Variants in CASTOR2 observed in about 807,000 individuals in gnomAD.
CASTOR2 encodes cytosolic arginine sensor for mTORC1 subunit 2, also known as GATS protein like 2.
CASTOR2 carries 8 observed loss-of-function variants against 31.2 expected under a neutral mutation model. The observed-to-expected ratio is 0.26, with a 90% CI of 0.15 to 0.46. The LOEUF (loss-of-function observed/expected upper bound fraction) is 0.46. Ranked by LOEUF, CASTOR2 falls within the 20% of genes least tolerant of loss-of-function variation. CASTOR2 has a pLI of 0.99. For missense variants in CASTOR2, 216 were observed against 382.1 expected, an observed-to-expected ratio of 0.57 and a Z score of 3.62; for synonymous variants, 162 against 158.7, an observed-to-expected ratio of 1.02 and a Z score of -0.16.
chr7:75,012,972 G>A (rs1238162235), intron 2 of CASTOR2, among the ~76,000 whole-genome samples: 2 of 152,088 alleles, frequency 1.3e-5, no homozygotes, highest in Admixed American at 6.6e-5. Context: ...GTGTTTTTTT[G>A]TAGAGGATTC....
chr7:75,004,615 T>A (rs1230178283), intron 1 of CASTOR2, among the ~76,000 whole-genome samples: 2 of 151,902 alleles, frequency 1.3e-5, no homozygotes, highest in African/African-American at 4.8e-5. Context: ...CCGGGCTAAT[T>A]TTTATATTTT....
At chr7:74,992,830 G>T (rs1211637091) in intron 1 of CASTOR2, among the ~76,000 whole-genome samples, 1 of 152,016 alleles carries the variant, frequency 6.6e-6, no homozygotes, top group Non-Finnish European at 1.5e-5. Flanking sequence ...TTGAGCCCAG[G>T]AGTGCAAGGC....
chr7:75,012,933 C>T (rs1326670353), intron 2 of CASTOR2, among the ~76,000 whole-genome samples: 1 of 151,940 alleles, frequency 6.6e-6, no homozygotes, highest in Non-Finnish European at 1.5e-5. Context: ...AGGCGTGAAC[C>T]ACCGTGCACA....
intron 2 of CASTOR2, among the ~76,000 whole-genome samples, chr7:75,014,652 G>A (rs1443426659): frequency 6.6e-6 from 1 of 152,074 alleles, no homozygotes; most frequent in Admixed American, 6.6e-5. Context: ...TGAGCAGGGC[G>A]GGTAGACCAA....
chr7:75,028,464 C>G lies in CASTOR2; in HGVS notation c.*3765C>G, dbSNP rs1584481786. Among the ~76,000 whole-genome samples the G allele has an allele frequency of 6.6e-6, 1 of 152,070 alleles. No individual in the cohort carries two copies. Among genetic ancestry groups the G allele is most frequent in the East Asian group, 1.9e-4 (1 of 5,184 alleles). Reference sequence around the variant, plus strand: ...TGAGCAGGTGACCCTGGGGCTGCCACTTGAGCTCCTGGAGTGTGTGTCTTG... The same window carrying G: ...TGAGCAGGTGACCCTGGGGCTGCCAGTTGAGCTCCTGGAGTGTGTGTCTTG... On this transcript the variant is annotated 3_prime_UTR_variant, in exon 9 of 9. Coordinates refer to ENST00000616305, the MANE Select transcript of CASTOR2 (RefSeq NM_001145064.3).
intron 2 of CASTOR2, among the ~76,000 whole-genome samples, chr7:75,008,789 A>G (rs1440643554): frequency 1.3e-5 from 2 of 152,158 alleles, no homozygotes; most frequent in Non-Finnish European, 2.9e-5. Flanking sequence ...AAGTGAACCC[A>G]GCTAAGAGTA....
chr7:74,989,191 C>T (rs1804145708), intron 1 of CASTOR2, among the ~76,000 whole-genome samples: 1 of 151,818 alleles, frequency 6.6e-6, no homozygotes, highest in South Asian at 2.1e-4. Flanking sequence ...GTCTCAATCT[C>T]CTGACCTCGT....
At chr7:74,973,333 C>CTTTTT (rs1200356756) in intron 1 of CASTOR2, among the ~76,000 whole-genome samples, 17 of 80,330 alleles carry the variant, frequency 2.1e-4, no homozygotes, top group East Asian at 6.9e-4. Flanking sequence ...CTCCAGTAAG[C>CTTTTT]TTTTTTTTTT....
chr7:75,019,127 G>A, intron 5 of CASTOR2, 32 bp downstream of exon 5: 1 of 1,551,748 alleles, frequency 6.4e-7, no homozygotes, highest in Non-Finnish European at 8.7e-7. Flanking sequence ...GGGGTTGCAG[G>A]GTGGGCCAGG....
chr7:74,989,126 A>G (rs1804143930), intron 1 of CASTOR2, among the ~76,000 whole-genome samples: 1 of 151,426 alleles, frequency 6.6e-6, no homozygotes, highest in African/African-American at 2.4e-5. Context: ...ATGCCCGGCT[A>G]ATTTTTTTGT....
At chr7:74,998,912 C>T (rs1251858329) in intron 1 of CASTOR2, among the ~76,000 whole-genome samples, 2 of 152,086 alleles carry the variant, frequency 1.3e-5, no homozygotes, top group Non-Finnish European at 2.9e-5. Flanking sequence ...CATAATCACC[C>T]TGGAATTTGC....
At chr7:75,017,573 G>C in intron 2 of CASTOR2, 25 bp from the exon 3 acceptor site, 1 of 1,611,792 alleles carries the variant, frequency 6.2e-7, no homozygotes, top group East Asian at 2.2e-5. Context: ...GCAGTCACAG[G>C]ACTGCCTTCT....
chr7:75,024,831 C>A lies in CASTOR2; in HGVS notation c.*132C>A. The A allele has an allele frequency of 6.5e-7, 1 of 1,546,508 alleles. No individual in the cohort carries two copies. The highest frequency in any genetic ancestry group is 2.0e-5 in the Admixed American group (1 of 50,880). On this transcript the variant is annotated 3_prime_UTR_variant, in exon 9 of 9. Transcript: ENST00000616305. The stretch of plus-strand genomic sequence containing the variant: ...GAGGAAGGGGCCTCTGTGGGAGACT[C>A]CCTCGATTGCCAATCCCTCCAGGGC...
intron 1 of CASTOR2, among the ~76,000 whole-genome samples, chr7:74,983,990 C>T (rs1310353533): frequency 1.3e-5 from 2 of 151,026 alleles, no homozygotes; most frequent in African/African-American, 2.4e-5. Context: ...CTTTGTTGCC[C>T]AGGCTGGCCT....
chr7:75,011,990 A>G (rs1344113842), intron 2 of CASTOR2, among the ~76,000 whole-genome samples: 1 of 152,010 alleles, frequency 6.6e-6, no homozygotes, highest in Non-Finnish European at 1.5e-5. Flanking sequence ...AAAAAAAACA[A>G]GAGTAAAGAC....
chr7:75,018,204 C>A, intron 4 of CASTOR2, 82 bp downstream of exon 4: 2 of 1,559,460 alleles, frequency 1.3e-6, no homozygotes, highest in Non-Finnish European at 1.7e-6. Context: ...ACTCTCAGCA[C>A]GGGCTTCTGC....
intron 1 of CASTOR2, among the ~76,000 whole-genome samples, chr7:74,985,912 C>T: frequency 6.6e-6 from 1 of 151,986 alleles, no homozygotes; most frequent in South Asian, 2.1e-4. Context: ...CTCACTGAGA[C>T]ACGGATTCCA....
Position 75,027,981 on chromosome 7 carries a change from C to T in CASTOR2, c.*3282C>T, listed in dbSNP as rs996833315. The T allele has an allele frequency of 7.6e-5, 116 of 1,522,148 alleles. No homozygotes were observed. In the Middle Eastern group the frequency reaches 3.4e-3, roughly 44 times the overall value. The allele number at this position is 1,522,148 out of a possible 1,614,324, so 94.3% of individuals were successfully genotyped here. ...ATGTGTTTCTCAGAGGGGCTCCATC[C>T]GCAGTTGCATGGAACTCCTTACCTG... On this transcript the variant is annotated 3_prime_UTR_variant, in exon 9 of 9. Transcript: ENST00000616305.
intron 2 of CASTOR2, among the ~76,000 whole-genome samples, chr7:75,012,892 GC>G (rs1804786289): frequency 6.6e-6 from 1 of 151,936 alleles, no homozygotes; most frequent in Admixed American, 6.6e-5. Flanking sequence ...ACCCGCCTCA[GC>G]CTTCCAAATT....
Sources: allele counts gnomAD v4.1 joint callset (sites outside exome capture counted in the v4.1 genomes callset), GRCh38; gene constraint gnomAD v4.1.1; transcripts MANE v1.5; gene names NCBI Gene and HGNC (gene_info 2026-07-23, HGNC 2026-07-21).